The following ZEB1 variants were observed in gnomAD, a reference collection of about 807,000 sequenced individuals.
ZEB1 encodes the protein zinc finger E-box binding homeobox 1.
In ZEB1, 21 loss-of-function variants were observed where a neutral mutation model predicts 84.9. The ratio of observed to expected loss-of-function variants is 0.25; its 90% CI spans 0.18 to 0.36. The LOEUF is 0.36. Ranked by LOEUF, ZEB1 falls within the 10% of genes least tolerant of loss-of-function variation. The pLI is 1.00. For synonymous variants in ZEB1, 420 were observed against 471.1 expected (o/e 0.89, Z 1.41); for missense variants, 1,104 against 1,330.2 (o/e 0.83, Z 2.65).
upstream of ZEB1, chr10:31,318,535 G>A (rs2032810862): frequency 6.5e-6 from 1 of 153,250 alleles, no homozygotes; most frequent in Non-Finnish European, 1.5e-5. Context: ...GGGAAACCAG[G>A]CGTCCCTGGA....
intron 5 of ZEB1, among the ~76,000 whole-genome samples, chr10:31,511,175 A>T (rs1392779640): frequency 6.6e-6 from 1 of 152,208 alleles, no homozygotes; most frequent in East Asian, 1.9e-4. Flanking sequence ...AGTTTAGAAG[A>T]TGTTAAATTG....
At chr10:31,506,099 C>A (rs2068932918) in intron 4 of ZEB1, among the ~76,000 whole-genome samples, 1 of 151,852 alleles carries the variant, frequency 6.6e-6, no homozygotes, top group African/African-American at 2.4e-5. Context: ...TTATTAAAAT[C>A]TATAGTTGTA....
intron 1 of ZEB1, among the ~76,000 whole-genome samples, chr10:31,393,985 A>G (rs1386710323): frequency 2.6e-5 from 4 of 152,202 alleles, no homozygotes; most frequent in South Asian, 4.1e-4. Context: ...CATCAAATCT[A>G]TAGAGAACTG....
intron 2 of ZEB1, among the ~76,000 whole-genome samples, chr10:31,492,874 TA>T (rs942764583): frequency 3.3e-5 from 5 of 151,898 alleles, no homozygotes; most frequent in African/African-American, 1.2e-4. Flanking sequence ...GAACAAGCCA[TA>T]AGCTCTTTTG....
At chr10:31,335,538 G>T (rs6481743) in intron 1 of ZEB1, among the ~76,000 whole-genome samples, 43,015 of 152,134 alleles carry the variant, frequency 0.28, 14,156 homozygotes, top group African/African-American at 0.8. Flanking sequence ...TAAAGGAAAA[G>T]AATCATGTGA....
At chr10:31,456,298 C>T (rs2061217786) in intron 1 of ZEB1, among the ~76,000 whole-genome samples, 1 of 152,112 alleles carries the variant, frequency 6.6e-6, no homozygotes, top group South Asian at 2.1e-4. Context: ...AGAAGAAATA[C>T]CTAATGTAGG....
intron 1 of ZEB1, among the ~76,000 whole-genome samples, chr10:31,405,934 A>G (rs1369698646): frequency 6.6e-6 from 1 of 152,142 alleles, no homozygotes; most frequent in Non-Finnish European, 1.5e-5. Context: ...ATGAGTGAGA[A>G]CATGCGGTGT....
At chr10:31,331,329 G>T (rs1056891497) in intron 1 of ZEB1, among the ~76,000 whole-genome samples, 5 of 151,794 alleles carry the variant, frequency 3.3e-5, no homozygotes, top group African/African-American at 1.2e-4. Flanking sequence ...ATCGTGATCT[G>T]CCTGCCTCAG....
chr10:31,319,948 G>T (rs2132849212), intron 1 of ZEB1: 1 of 148,198 alleles, frequency 6.7e-6, no homozygotes, highest in Non-Finnish European at 1.5e-5. Flanking sequence ...TTGTGCGCGC[G>T]TGTGCGCGGG....
intron 2 of ZEB1, among the ~76,000 whole-genome samples, chr10:31,469,728 G>A (rs1030240199): frequency 1.2e-3 from 187 of 152,342 alleles, no homozygotes; most frequent in African/African-American, 4.3e-3. Context: ...AAGGAGGCCT[G>A]CCTGCCTCTG....
intron 1 of ZEB1, chr10:31,362,739 C>A (rs1452820135): frequency 7.0e-6 from 4 of 570,864 alleles, no homozygotes; most frequent in Non-Finnish European, 9.6e-6. Flanking sequence ...CAGAGATGCT[C>A]CTCAGGTCTC....
chr10:31,499,833 TACTA>T (rs1449327331), intron 3 of ZEB1, among the ~76,000 whole-genome samples: 1 of 152,122 alleles, frequency 6.6e-6, no homozygotes, highest in Non-Finnish European at 1.5e-5. Context: ...CTTATAATAA[TACTA>T]AGTAGTAAAG....
intron 1 of ZEB1, among the ~76,000 whole-genome samples, chr10:31,406,499 G>C (rs1240592022): frequency 6.6e-6 from 1 of 150,414 alleles, no homozygotes. Flanking sequence ...GTCTTCTTTT[G>C]AGAAGTGTCT....
chr10:31,448,452 G>T (rs1199021041), intron 1 of ZEB1, among the ~76,000 whole-genome samples: 1 of 147,756 alleles, frequency 6.8e-6, no homozygotes, highest in Non-Finnish European at 1.5e-5. Context: ...TCCGTTGCTG[G>T]TGAGGAACTG....
intron 4 of ZEB1, among the ~76,000 whole-genome samples, chr10:31,506,434 G>A (rs373417728): frequency 1.3e-3 from 195 of 152,034 alleles, no homozygotes; most frequent in African/African-American, 4.5e-3. Context: ...CCTTTATATA[G>A]CCAGGTACTC....
intron 1 of ZEB1, among the ~76,000 whole-genome samples, chr10:31,380,086 T>C (rs1227936594): frequency 6.6e-6 from 1 of 152,170 alleles, no homozygotes; most frequent in Non-Finnish European, 1.5e-5. Context: ...CCAAGATCTG[T>C]ATAGCATTTG....
At chr10:31,353,070 C>T (rs1321974318) in intron 1 of ZEB1, among the ~76,000 whole-genome samples, 2 of 152,172 alleles carry the variant, frequency 1.3e-5, no homozygotes, top group African/African-American at 4.8e-5. Flanking sequence ...TGGATTTACA[C>T]TAGGGTCACT....
At chr10:31,319,119 A>C, upstream of ZEB1, 2 of 618,200 alleles carry the variant, frequency 3.2e-6, no homozygotes, top group Non-Finnish European at 5.8e-6. Context: ...TAAAGCCGGG[A>C]GTGTCGTAAA....
intron 1 of ZEB1, among the ~76,000 whole-genome samples, chr10:31,326,861 A>G (rs2370487): frequency 0.25 from 37,613 of 152,084 alleles, 10,243 homozygotes; most frequent in African/African-American, 0.68. Flanking sequence ...GATGCAGAGC[A>G]TTAGTATTAT....
Sources: allele counts gnomAD v4.1 joint callset (sites outside exome capture counted in the v4.1 genomes callset), GRCh38; gene constraint gnomAD v4.1.1; transcripts MANE v1.5; gene names NCBI Gene and HGNC (gene_info 2026-07-23, HGNC 2026-07-21).